Variants in NRF1 observed in about 807,000 individuals in gnomAD.
The protein encoded by NRF1 is alpha palindromic-binding protein.
A neutral mutation model predicts 58.5 loss-of-function variants in NRF1; 5 were observed. The observed-to-expected ratio is 0.09, with a 90% CI of 0.04 to 0.18. The LOEUF is 0.18. Ranked by LOEUF, NRF1 falls within the 10% of genes least tolerant of loss-of-function variation. NRF1 has a pLI of 1.00. For missense variants in NRF1, 288 were observed against 657.7 expected, an observed-to-expected ratio of 0.44 and a Z score of 6.15; for synonymous variants, 224 against 246.7, an observed-to-expected ratio of 0.91 and a Z score of 0.86.
chr7:129,746,981 G>A (rs1447712976), intron 10 of NRF1, among the ~76,000 whole-genome samples: 1 of 152,154 alleles, frequency 6.6e-6, no homozygotes, highest in African/African-American at 2.4e-5. Flanking sequence ...AGACTGTGAG[G>A]GCAAATGAAA....
chr7:129,619,490 G>GTGTGTGTATATATATA (rs1422472177), intron 1 of NRF1, among the ~76,000 whole-genome samples: 2 of 48,622 alleles, frequency 4.1e-5, no homozygotes, highest in African/African-American at 2.0e-4. Flanking sequence ...GTGTGTGTGT[G>GTGTGTGTATATATATA]TATATATATA....
intron 9 of NRF1, among the ~76,000 whole-genome samples, chr7:129,718,447 A>G (rs1004682454): frequency 2.4e-4 from 36 of 152,218 alleles, no homozygotes; most frequent in Non-Finnish European, 5.1e-4. Context: ...TCTTGTATAC[A>G]GTAAGGGCTG....
intron 1 of NRF1, among the ~76,000 whole-genome samples, chr7:129,618,956 C>T (rs916281139): frequency 1.5e-4 from 23 of 151,994 alleles, no homozygotes; most frequent in African/African-American, 5.3e-4. Context: ...AACATGTCAC[C>T]TGAGGTCAGG....
intron 10 of NRF1, among the ~76,000 whole-genome samples, chr7:129,750,712 T>C (rs751762815): frequency 6.6e-6 from 1 of 152,218 alleles, no homozygotes; most frequent in Non-Finnish European, 1.5e-5. Context: ...TGTGGCCAAA[T>C]ATGCTTCTTC....
chr7:129,705,890 G>A (rs1802938341), intron 5 of NRF1, among the ~76,000 whole-genome samples: 1 of 152,110 alleles, frequency 6.6e-6, no homozygotes, highest in East Asian at 1.9e-4. Flanking sequence ...GCATTGAACT[G>A]TGATCATGCC....
At chr7:129,637,205 C>G (rs1314987798) in intron 1 of NRF1, among the ~76,000 whole-genome samples, 3 of 150,080 alleles carry the variant, frequency 2.0e-5, no homozygotes, top group African/African-American at 7.4e-5. Context: ...TGTTACCTTA[C>G]ATTTTGAGGT....
intron 1 of NRF1, among the ~76,000 whole-genome samples, chr7:129,615,755 T>C (rs1448031612): frequency 6.6e-6 from 1 of 152,226 alleles, no homozygotes; most frequent in African/African-American, 2.4e-5. Flanking sequence ...TCCTTCCTTA[T>C]TAACTAGAGG....
Position 129,755,265 on chromosome 7 carries a change from GTC to G in NRF1, c.*89_*90del. The G allele has an allele frequency of 1.7e-6, 2 of 1,208,208 alleles. No homozygotes were observed. The highest frequency in any genetic ancestry group is 4.9e-5 in the South Asian group (2 of 40,480). 74.8% of individuals were successfully genotyped at this position (1,208,208 alleles called of 1,614,324 possible). On this transcript the variant is annotated 3_prime_UTR_variant, in exon 11 of 11. Coordinates refer to ENST00000393232, the MANE Select transcript of NRF1 (RefSeq NM_005011.5). The surrounding 1 kb of genome is among the most constrained non-coding windows in gnomAD (Gnocchi z 5.8). ...CAGAGGTGCAATCAAATGGAATTAA[GTC>G]TCTCGACTTTGGAAGGAAAGTTTTG...
intron 1 of NRF1, among the ~76,000 whole-genome samples, chr7:129,613,770 G>C (rs2151051431): frequency 6.8e-6 from 1 of 146,636 alleles, no homozygotes; most frequent in Non-Finnish European, 1.5e-5. Flanking sequence ...GTGGTGGCAG[G>C]CGCCAGTAAT....
chr7:129,662,150 A>G (rs1414329307), intron 2 of NRF1, among the ~76,000 whole-genome samples: 1 of 151,804 alleles, frequency 6.6e-6, no homozygotes, highest in East Asian at 1.9e-4. Context: ...GGTTCCTCCC[A>G]CAACATGTGG....
chr7:129,740,685 C>T (rs977639979), intron 10 of NRF1, among the ~76,000 whole-genome samples: 1 of 152,224 alleles, frequency 6.6e-6, no homozygotes, highest in Non-Finnish European at 1.5e-5. Flanking sequence ...CCAGCACTGC[C>T]TCATGAGAGT....
At chr7:129,743,160 C>A (rs146505488) in intron 10 of NRF1, among the ~76,000 whole-genome samples, 1 of 130,802 alleles carries the variant, frequency 7.6e-6, no homozygotes, top group East Asian at 2.4e-4. Context: ...CCTTTGCCTA[C>A]TCCTACCCCT....
chr7:129,717,499 T>G, intron 9 of NRF1, 123 bp downstream of exon 9: 1 of 1,064,742 alleles, frequency 9.4e-7, no homozygotes, highest in Non-Finnish European at 1.3e-6. Flanking sequence ...CTTAACACTC[T>G]TGGCCCATAC....
chr7:129,691,361 A>ATTTTT (rs752895743), intron 5 of NRF1, among the ~76,000 whole-genome samples: 2 of 90,880 alleles, frequency 2.2e-5, no homozygotes, highest in Non-Finnish European at 4.5e-5. Context: ...TATTATTATT[A>ATTTTT]TTATTTTTTT....
intron 10 of NRF1, among the ~76,000 whole-genome samples, chr7:129,742,007 G>A (rs536050024): frequency 5.2e-4 from 79 of 152,314 alleles, no homozygotes; most frequent in African/African-American, 1.8e-3. Flanking sequence ...TGTGGTTGGA[G>A]TCAGTGAAGT....
rs551733955 is a variant in NRF1 at position 129,624,365 on chromosome 7, A to C, written c.-7+12541A>C. Among the ~76,000 whole-genome samples the C allele has an allele frequency of 5.4e-4, 82 of 152,312 alleles. 2 individuals carry two copies. In the South Asian group the frequency reaches 0.016, roughly 29 times the overall value. On this transcript the variant is annotated intron_variant, in intron 1 of 10. Transcript: ENST00000393232. Reference sequence around the variant, plus strand: ...GATACTGTGTTGGTGTTCATTACCAAGCACAGTGCCTGAGACATAGCAAGC... The same window carrying C: ...GATACTGTGTTGGTGTTCATTACCACGCACAGTGCCTGAGACATAGCAAGC...
chr7:129,657,477 A>G lies in NRF1; in HGVS notation c.126A>G (p.Glu42=), dbSNP rs772249219. 33 of 1,614,022 alleles carry G rather than the reference A, an allele frequency of 2.0e-5. No individual in the cohort carries two copies. The highest frequency in any genetic ancestry group is 2.6e-5 in the Non-Finnish European group (31 of 1,180,034). Residue 42 remains glutamate, a synonymous_variant, in exon 2 of 11, where the codon GAA becomes GAG. Coordinates refer to ENST00000393232, the MANE Select transcript of NRF1 (RefSeq NM_005011.5). ...AGCATAGTATGCTGAGTGCTGATGA[A>G]GACTCGCCTTCTTCTCCCGAGGACA... The part of the protein sequence containing the change: ...YTEHSMLSAD[E]DSPSSPEDTS...
intron 10 of NRF1, among the ~76,000 whole-genome samples, chr7:129,749,207 G>A (rs938150997): frequency 3.3e-5 from 5 of 152,202 alleles, no homozygotes; most frequent in Admixed American, 3.3e-4. Context: ...ACAAAGGAAG[G>A]CAAGAGATGG....
At position 129,690,455 on chromosome 7, in the gene NRF1, C is replaced by G; in HGVS notation, c.515C>G (p.Ala172Gly). The G allele has an allele frequency of 6.2e-7, 1 of 1,614,128 alleles. No individual in the cohort carries two copies. The highest frequency in any genetic ancestry group is 8.5e-7 in the Non-Finnish European group (1 of 1,179,988). Reference sequence around the variant, plus strand: ...CTGGAAGACCTGGAGTCTGCTCTGGCAGAACACGCCCCTGCGCCACAGGAG... The same window carrying G: ...CTGGAAGACCTGGAGTCTGCTCTGGGAGAACACGCCCCTGCGCCACAGGAG... ...MILEDLESAL[A>G]EHAPAPQEVN... is the part of the protein sequence containing the mutation. Residue 172 changes from alanine to glycine, a missense_variant, in exon 5 of 11, where the codon GCA becomes GGA. This residue lies in a region of NRF1 where 212 missense variants were observed against 559.7 expected (regional missense o/e 0.38). Transcript: ENST00000393232.
Sources: gnomAD v4.1 joint callset for allele counts (sites outside exome capture counted in the v4.1 genomes callset) on GRCh38, gnomAD v4.1.1 for gene constraint, gnomAD v4.1.1 regional missense constraint, Gnocchi (gnomAD v3.1) non-coding constraint, MANE v1.5 for transcripts, NCBI Gene and HGNC (gene_info 2026-07-23, HGNC 2026-07-21) for gene names.